Variants in DUOX2 observed in about 807,000 individuals in gnomAD.
DUOX2 encodes the protein NADH/NADPH thyroid oxidase p138-tox.
DUOX2 carries 185 observed loss-of-function variants against 183.3 expected under a neutral mutation model. The ratio of observed to expected loss-of-function variants is 1.01; its 90% confidence interval spans 0.90 to 1.14. The LOEUF (loss-of-function observed/expected upper bound fraction) is 1.14. Ranked by LOEUF, DUOX2 falls within the 50% of genes most tolerant of loss-of-function variation. The pLI is 0.00. For synonymous variants in DUOX2, 788 were observed against 812.4 expected (o/e 0.97, Z 0.51); for missense variants, 1,999 against 2,022.9 (o/e 0.99, Z 0.23).
intron 27 of DUOX2, 134 bp from the exon 28 acceptor site, chr15:45,097,875 G>T: frequency 1.3e-6 from 2 of 1,558,498 alleles, no homozygotes; most frequent in Non-Finnish European, 1.8e-6. Context: ...CCTGCCTGGA[G>T]GGATTTGAGC....
chr15:45,092,920 G>A lies in DUOX2; in HGVS notation c.*1230C>T, dbSNP rs886051189. On this transcript the variant is annotated 3_prime_UTR_variant, in exon 34 of 34. Transcript: ENST00000389039. ...GAAATCACATCAGTGGTTGCTTCTA[G>A]GAGCTAGGGGAGACGAAGTGGAAGG... is the stretch of plus-strand genomic sequence containing the variant. 1 of 152,208 alleles carries A rather than the reference G, an allele frequency of 6.6e-6. No homozygotes were observed. The highest frequency in any genetic ancestry group is 1.5e-5 in the Non-Finnish European group (1 of 68,040). 9.4% of individuals were successfully genotyped at this position (152,208 alleles called of 1,614,324 possible). A position where few individuals can be genotyped will look rare whatever the true frequency, so the allele number is the denominator to read the frequency against.
At chr15:45,106,472 C>G in intron 16 of DUOX2, 56 bp downstream of exon 16, 1 of 1,600,744 alleles carries the variant, frequency 6.2e-7, no homozygotes, top group African/African-American at 1.3e-5. Flanking sequence ...TTCTCCCAGA[C>G]TCCTGTCTCT....
At chr15:45,109,357 A>C in intron 11 of DUOX2, 167 bp downstream of exon 11, 2 of 648,862 alleles carry the variant, frequency 3.1e-6, no homozygotes, top group Admixed American at 5.6e-5. Flanking sequence ...ATTAAGCAAA[A>C]AAAAAAAAAA....
chr15:45,100,368 G>T (rs1894048941), intron 23 of DUOX2, 140 bp from the exon 24 acceptor site: 3 of 752,932 alleles, frequency 4.0e-6, no homozygotes, highest in African/African-American at 1.8e-5. Context: ...GCAATCTGGG[G>T]GCTTCTTCCT....
In DUOX2 at chr15:45,112,676, C is replaced by A. The variant is rs1185782382; in HGVS notation, c.203G>T (p.Gly68Val). 1 of 1,612,662 alleles carries A rather than the reference C, an allele frequency of 6.2e-7. No homozygotes were observed. The highest frequency in any genetic ancestry group is 8.5e-7 in the Non-Finnish European group (1 of 1,179,914). The change falls in exon 4 of 34, where the codon GGT becomes GTT. Residue 68 changes from glycine to valine, a missense_variant. Physicochemically the swap from Gly to Val is moderately radical, Grantham distance 109 (BLOSUM62 -3). Transcript: ENST00000389039. ...QRRVPANYAD[G>V]VYQALEEPQL... Reference sequence around the variant, plus strand: ...CGGCTCCTCCAGAGCCTGATACACACCGTCGGCGTAATTGGCTGGTACGCG... The same window carrying A: ...CGGCTCCTCCAGAGCCTGATACACAACGTCGGCGTAATTGGCTGGTACGCG...
rs747684611 is a variant in DUOX2, at chr15:45,112,689, T to C, written c.190A>G (p.Asn64Asp). ...GCCTGATACACACCGTCGGCGTAAT[T>C]GGCTGGTACGCGGCGCTGCAACCGG... ...GCRLQRRVPA[N>D]YADGVYQALE... The change falls in exon 4 of 34, where the codon AAT becomes GAT. Residue 64 changes from asparagine to aspartate, a missense_variant. By Grantham distance (23) the Asn-to-Asp change is conservative. Around this residue, in one of 3 missense-constraint regions of DUOX2, gnomAD observed 356 missense variants for 356.4 expected, o/e 1.00. Transcript: ENST00000389039. The C allele has an allele frequency of 6.2e-7, 1 of 1,612,518 alleles. No homozygotes were observed. The highest frequency in any genetic ancestry group is 1.1e-5 in the South Asian group (1 of 91,084).
intron 11 of DUOX2, 77 bp from the exon 12 acceptor site, chr15:45,109,029 T>A (rs992944988): frequency 6.4e-7 from 1 of 1,569,112 alleles, no homozygotes; most frequent in African/African-American, 1.4e-5. Context: ...TATCTGACTA[T>A]TGGCACTACG....
At chr15:45,098,126 C>A in intron 26 of DUOX2, 68 bp from the exon 27 acceptor site, 1 of 1,461,064 alleles carries the variant, frequency 6.8e-7, no homozygotes, top group South Asian at 1.1e-5. Context: ...CACAACACAG[C>A]ATGACTCCTT....
chr15:45,108,194 T>C lies in DUOX2; in HGVS notation c.1427A>G (p.Asn476Ser), dbSNP rs777198669. The C allele has an allele frequency of 6.2e-7, 1 of 1,614,162 alleles. No individual in the cohort carries two copies. Among genetic ancestry groups the C allele is most frequent in the Non-Finnish European group, 8.5e-7 (1 of 1,180,010 alleles). Residue 476 changes from asparagine (N) to serine (S), a missense_variant, in exon 13 of 34, where the codon AAC (asparagine) becomes AGC (serine). Asn to Ser is a conservative substitution (Grantham distance 46, BLOSUM62 1). Transcript: ENST00000389039. Reference protein sequence around the residue: ...QVLEATAALYNQDLSQLELLL... With the variant: ...QVLEATAALYSQDLSQLELLL... The stretch of plus-strand genomic sequence containing the variant: ...CAGCTCTAGCTGGGATAGGTCCTGG[T>C]TGTACAGGGCAGCTGTGGCCTCCAG...
chr15:45,105,779 A>T lies in DUOX2; in HGVS notation c.2198T>A (p.Leu733Gln). 6.2e-7 allele frequency: 1 copy of T among 1,614,242 alleles called. No individual in the cohort carries two copies. Among genetic ancestry groups the T allele is most frequent in the South Asian group, 1.1e-5 (1 of 91,090 alleles). Reference sequence around the variant, plus strand: ...AGCCCAGCGCACGCAGAAGTCCCATAGCTGCTGCACAAAGGCGCCCCGTTC... The same window carrying T: ...AGCCCAGCGCACGCAGAAGTCCCATTGCTGCTGCACAAAGGCGCCCCGTTC... ...EEERGAFVQQ[L>Q]WDFCVRWALG... The change falls in exon 18 of 34, where the codon CTA becomes CAA. Residue 733 changes from leucine to glutamine, a missense_variant. Physicochemically the swap from Leu to Gln is moderately radical, Grantham distance 113 (BLOSUM62 -2). This residue lies in a region of DUOX2 where 1,628 missense variants were observed against 1,608.6 expected (regional missense o/e 1.01). Transcript: ENST00000389039.
chr15:45,112,564 C>T lies in DUOX2; in HGVS notation c.315G>A (p.Gly105=). 1 of 1,613,030 alleles carries T rather than the reference C, an allele frequency of 6.2e-7. No homozygotes were observed. The highest frequency in any genetic ancestry group is 8.5e-7 in the Non-Finnish European group (1 of 1,179,732). The change falls in exon 4 of 34, where the codon GGG becomes GGA. Residue 105 remains glycine (G), a synonymous_variant. Coordinates refer to ENST00000389039, the MANE Select transcript of DUOX2 (RefSeq NM_001363711.2). ...CCCCTTTGCCCTCACCAAAGAAGAC[C>T]CCCAGTACGGTGCGGTTGTGGAGCG... ...LPSLHNRTVL[G]VFFGYHVLSD... is the part of the protein sequence containing the mutation.
Position 45,094,556 on chromosome 15 carries a change from G to A in DUOX2, c.4524+7C>T. On this transcript the variant is annotated splice_region_variant and intron_variant, in intron 33 of 33. Coordinates refer to ENST00000389039, the MANE Select transcript of DUOX2 (RefSeq NM_001363711.2). ...AGAGTCCCAGGGTGGGAGGGAGTGG[G>A]ACTGACCTGTGGGTGGACCTCCTGC... The A allele has an allele frequency of 1.9e-6, 3 of 1,612,216 alleles. No homozygotes were observed. The highest frequency in any genetic ancestry group is 1.7e-6 in the Non-Finnish European group (2 of 1,179,252).
chr15:45,097,824 TC>T (rs1335318265), intron 27 of DUOX2, 83 bp from the exon 28 acceptor site: 1 of 1,605,886 alleles, frequency 6.2e-7, no homozygotes. Context: ...CCCCTATCCT[TC>T]CCTCCTTCCT....
At position 45,100,214 on chromosome 15, in the gene DUOX2, G is replaced by A; in HGVS notation, c.3020C>T (p.Thr1007Ile). 4 of 1,613,776 alleles carry A rather than the reference G, an allele frequency of 2.5e-6. No homozygotes were observed. Among genetic ancestry groups the A allele is most frequent in the Non-Finnish European group, 3.4e-6 (4 of 1,179,974 alleles). The change falls in exon 24 of 34, where the codon ACT becomes ATT. Residue 1007 changes from threonine (T) to isoleucine (I), a missense_variant. Coordinates refer to ENST00000389039, the MANE Select transcript of DUOX2 (RefSeq NM_001363711.2). ...KRFGKKAAVP[T>I]PRLYTEALQE... is the part of the protein sequence containing the mutation. Reference sequence around the variant, plus strand: ...CAGCGCCTCTGTGTACAGCCGGGGAGTGGGCACTGCTGCCCTATAGCAAGG... The same window carrying A: ...CAGCGCCTCTGTGTACAGCCGGGGAATGGGCACTGCTGCCCTATAGCAAGG...
intron 1 of DUOX2, 120 bp from the exon 2 acceptor site, chr15:45,113,545 T>C (rs1180454191): frequency 1.3e-6 from 1 of 795,624 alleles, no homozygotes; most frequent in Non-Finnish European, 2.1e-6. Flanking sequence ...TGTTTCCACT[T>C]CTGGAAGGTA....
chr15:45,110,907 T>C (rs547516426), intron 7 of DUOX2, among the ~76,000 whole-genome samples, 197 bp from the exon 8 acceptor site: 1 of 148,742 alleles, frequency 6.7e-6, no homozygotes, highest in African/African-American at 2.5e-5. Context: ...GTTGGGGAGG[T>C]GATAAATAAT....
chr15:45,105,765 C>T lies in DUOX2; in HGVS notation c.2212G>A (p.Val738Met), dbSNP rs142350563. Residue 738 changes from valine (V) to methionine (M), a missense_variant, in exon 18 of 34, where the codon GTG (valine) becomes ATG (methionine). Physicochemically the swap from Val to Met is conservative, Grantham distance 21 (BLOSUM62 1). This residue lies in a region of DUOX2 where 1,628 missense variants were observed against 1,608.6 expected (regional missense o/e 1.01). Transcript: ENST00000389039. ...AFVQQLWDFC[V>M]RWALGLHVAE... ...ACATGGAGGCCCAGAGCCCAGCGCA[C>T]GCAGAAGTCCCATAGCTGCTGCACA... 49 of 1,614,130 alleles carry T rather than the reference C, an allele frequency of 3.0e-5. No homozygotes were observed. The highest frequency in any genetic ancestry group is 3.3e-5 in the Admixed American group (2 of 60,016).
In DUOX2 at chr15:45,106,577, C is replaced by T. The variant is rs143872498; in HGVS notation, c.1896G>A (p.Lys632=). The part of the protein sequence containing the change: ...FRGREHKKLQ[K]KLKESVKKEA... ...CCTTCTTCACGCTCTCTTTGAGTTT[C>T]TTTTGTAGCTTCTTGTGTTCTCGGC... is the stretch of plus-strand genomic sequence containing the variant. The change falls in exon 16 of 34, where the codon AAG becomes AAA. Residue 632 remains lysine, a synonymous_variant. Transcript: ENST00000389039. The T allele has an allele frequency of 3.1e-6, 5 of 1,614,078 alleles. No homozygotes were observed. In the African/African-American group the frequency reaches 6.7e-5, roughly 22 times the overall value.
intron 31 of DUOX2, 38 bp from the exon 32 acceptor site, chr15:45,095,129 T>C: frequency 6.2e-7 from 1 of 1,601,530 alleles, no homozygotes. Flanking sequence ...CCCAGCTCAG[T>C]TCAGCCTCCC....
Sources: gnomAD v4.1 joint callset for allele counts (sites outside exome capture counted in the v4.1 genomes callset) on GRCh38, gnomAD v4.1.1 for gene constraint, gnomAD v4.1.1 regional missense constraint, MANE v1.5 for transcripts, NCBI Gene and HGNC (gene_info 2026-07-23, HGNC 2026-07-21) for gene names.